The following TNFSF9 variants were observed in gnomAD, a reference collection of about 807,000 sequenced individuals.
TNFSF9 encodes the protein tumor necrosis factor ligand superfamily member 9.
A neutral mutation model predicts 10.3 loss-of-function variants in TNFSF9; 10 were observed. The ratio of observed to expected loss-of-function variants is 0.97; its 90% confidence interval spans 0.60 to 1.65. The LOEUF is 1.65. Among genes scored for constraint, TNFSF9 ranks in the 40% most tolerant of loss-of-function variants. The pLI is 0.00. For missense variants in TNFSF9, 361 were observed against 348.9 expected, an observed-to-expected ratio of 1.03 and a Z score of -0.28; for synonymous variants, 195 against 176.1, an observed-to-expected ratio of 1.11 and a Z score of -0.85.
At chr19:6,532,032 C>A (rs1364862882) in intron 1 of TNFSF9, among the ~76,000 whole-genome samples, 1 of 152,160 alleles carries the variant, frequency 6.6e-6, no homozygotes, top group Non-Finnish European at 1.5e-5. Context: ...CTGGGGGGAA[C>A]CTTTTTTCCA....
rs548530723 is a variant in TNFSF9, at chr19:6,531,250, G to A, written c.214G>A (p.Glu72Lys). The A allele has an allele frequency of 6.5e-7, 1 of 1,535,528 alleles. No homozygotes were observed. The highest frequency in any genetic ancestry group is 8.7e-7 in the Non-Finnish European group (1 of 1,147,482). ...PGSAASPRLR[E>K]GPELSPDDPA... is the part of the protein sequence containing the mutation. ...CTCCGCGGCCAGCCCGAGACTCCGC[G>A]AGGGTCCCGAGCTTTCGCCCGACGA... The change falls in exon 1 of 3, where the codon GAG becomes AAG. Residue 72 changes from glutamate (E) to lysine (K), a missense_variant. Transcript: ENST00000245817.
rs778742323 is a variant in TNFSF9, at chr19:6,534,563, T to C, written c.299-37T>C. On this transcript the variant is annotated intron_variant, in intron 2 of 2. Coordinates refer to ENST00000245817, the MANE Select transcript of TNFSF9 (RefSeq NM_003811.4). Reference sequence around the variant, plus strand: ...AGCCACGCTCAGCTGTGCTGGGACATGCTCAGCTAAGCTAAGTGCATGCTT... The same window carrying C: ...AGCCACGCTCAGCTGTGCTGGGACACGCTCAGCTAAGCTAAGTGCATGCTT... 37 of 1,515,020 alleles carry C rather than the reference T, an allele frequency of 2.4e-5. 1 individual carries two copies. In the South Asian group the frequency reaches 3.7e-4, roughly 15 times the overall value. The allele number at this position is 1,515,020 out of a possible 1,614,324, so 93.8% of individuals were successfully genotyped here.
intron 2 of TNFSF9, 105 bp downstream of exon 2, chr19:6,532,921 T>TG (rs1474758645): frequency 6.7e-7 from 1 of 1,500,952 alleles, no homozygotes; most frequent in African/African-American, 1.4e-5. Flanking sequence ...ACACTGGCTT[T>TG]GACCCTTGAC....
chr19:6,534,290 G>T (rs1014576404), intron 2 of TNFSF9, among the ~76,000 whole-genome samples: 4 of 150,328 alleles, frequency 2.7e-5, no homozygotes, highest in South Asian at 4.2e-4. Context: ...GCCCTGTCCC[G>T]ACTCTTGTCC....
chr19:6,534,525 A>C lies in TNFSF9; in HGVS notation c.299-75A>C. 5 of 1,338,466 alleles carry C rather than the reference A, an allele frequency of 3.7e-6. No individual in the cohort carries two copies. The South Asian group carries it at 4.2e-5, about 11-fold the overall frequency. 82.9% of individuals were successfully genotyped at this position (1,338,466 alleles called of 1,614,324 possible). A position where few individuals can be genotyped will look rare whatever the true frequency, so the allele number is the denominator to read the frequency against. On this transcript the variant is annotated intron_variant, in intron 2 of 2. Transcript: ENST00000245817. ...TCTTTTCTCCCAGGGCTGCGCTGAC[A>C]TGTTCGGTGCTCAGCCACGCTCAGC... is the stretch of plus-strand genomic sequence containing the variant.
At chr19:6,531,595 C>T (rs1915148739) in intron 1 of TNFSF9, among the ~76,000 whole-genome samples, 1 of 151,856 alleles carries the variant, frequency 6.6e-6, no homozygotes, top group African/African-American at 2.4e-5. Context: ...GTCCGGGGGG[C>T]ACCCCTTTCA....
rs1355464303 is a variant in TNFSF9 at position 6,532,789 on chromosome 19, A to G, written c.271A>G (p.Met91Val). 1 of 1,613,698 alleles carries G rather than the reference A, an allele frequency of 6.2e-7. No homozygotes were observed. The highest frequency in any genetic ancestry group is 1.7e-5 in the Admixed American group (1 of 59,966). ...TCCTCCTTTCTACTTTTAACAGGGC[A>G]TGTTTGCGCAGCTGGTGGCCCAAAA... is the stretch of plus-strand genomic sequence containing the variant. The part of the protein sequence containing the change: ...PAGLLDLRQG[M>V]FAQLVAQNVL... The change falls in exon 2 of 3, where the codon ATG becomes GTG. Residue 91 changes from methionine (M) to valine (V), a missense_variant. Coordinates refer to ENST00000245817, the MANE Select transcript of TNFSF9 (RefSeq NM_003811.4).
chr19:6,531,560 A>AC (rs1270694006), intron 1 of TNFSF9, among the ~76,000 whole-genome samples: 9 of 149,042 alleles, frequency 6.0e-5, no homozygotes, highest in Non-Finnish European at 1.2e-4. Context: ...TTCTTTTTGG[A>AC]CCCCCCAAGG....
At chr19:6,532,377 TTGTGTTCGTGTGGGTG>T (rs1417017000) in intron 1 of TNFSF9, among the ~76,000 whole-genome samples, 13 of 123,432 alleles carry the variant, frequency 1.1e-4, no homozygotes, top group South Asian at 5.3e-4. Context: ...GTGGGTGTGT[TTGTGTTCGTGTGGGTG>T]TGTGTTCGTG....
Position 6,534,978 on chromosome 19 carries a change from G to A in TNFSF9, c.677G>A (p.Trp226Ter). 6.2e-7 allele frequency: 1 copy of A among 1,610,860 alleles called. No individual in the cohort carries two copies. Among genetic ancestry groups the A allele is most frequent in the Non-Finnish European group, 8.5e-7 (1 of 1,178,786 alleles). ...LHTEARARHA[W>*]QLTQGATVLG... ...ACTGAGGCCAGGGCACGCCATGCCT[G>A]GCAGCTTACCCAGGGCGCCACAGTC... is the stretch of plus-strand genomic sequence containing the variant. The change falls in exon 3 of 3, where the codon TGG becomes TAG. Residue 226 changes from tryptophan to a stop codon, truncating the protein, a stop_gained. Transcript: ENST00000245817. LOFTEE classifies it low-confidence loss of function (END_TRUNC).
Position 6,535,126 on chromosome 19 carries a change from A to AGAC in TNFSF9, c.*61_*63dup. The stretch of plus-strand genomic sequence containing the variant: ...CCGAATCCTACTCCATCCTTCATGG[A>AGAC]GACCCCTGGTGCTGGGTCCCTGCTG... On this transcript the variant is annotated 3_prime_UTR_variant, in exon 3 of 3. Transcript: ENST00000245817. 6.9e-7 allele frequency: 1 copy of AGAC among 1,440,320 alleles called. No individual in the cohort carries two copies. The highest frequency in any genetic ancestry group is 9.1e-7 in the Non-Finnish European group (1 of 1,093,600). 89.2% of individuals were successfully genotyped at this position (1,440,320 alleles called of 1,614,324 possible).
intron 2 of TNFSF9, among the ~76,000 whole-genome samples, chr19:6,534,083 C>T (rs747511806): frequency 3.6e-4 from 50 of 137,628 alleles, no homozygotes; most frequent in Admixed American, 7.4e-4. Flanking sequence ...CTTCTCCTCC[C>T]CCCATCTCCA....
chr19:6,534,889 C>T lies in TNFSF9; in HGVS notation c.588C>T (p.Ala196=), dbSNP rs1401787840. Residue 196 remains alanine, a synonymous_variant, in exon 3 of 3, where the codon GCC becomes GCT. Coordinates refer to ENST00000245817, the MANE Select transcript of TNFSF9 (RefSeq NM_003811.4). ...PPASSEARNS[A]FGFQGRLLHL... ...CCTCCTCCGAGGCTCGGAACTCGGC[C>T]TTCGGTTTCCAGGGCCGCTTGCTGC... The T allele has an allele frequency of 6.2e-7, 1 of 1,607,942 alleles. No homozygotes were observed. Among genetic ancestry groups the T allele is most frequent in the Admixed American group, 1.7e-5 (1 of 59,906 alleles).
chr19:6,532,839 G>C, intron 2 of TNFSF9, 23 bp downstream of exon 2: 2 of 1,613,596 alleles, frequency 1.2e-6, no homozygotes, highest in Non-Finnish European at 1.7e-6. Flanking sequence ...CGCCACTTCC[G>C]GTCCCTGGCC....
In TNFSF9 at chr19:6,535,096, A is replaced by C; in HGVS notation, c.*30A>C. Reference sequence around the variant, plus strand: ...CAGCCTGGGTGCAGCCCACCTGGACAGAGTCCGAATCCTACTCCATCCTTC... The same window carrying C: ...CAGCCTGGGTGCAGCCCACCTGGACCGAGTCCGAATCCTACTCCATCCTTC... On this transcript the variant is annotated 3_prime_UTR_variant, in exon 3 of 3. Coordinates refer to ENST00000245817, the MANE Select transcript of TNFSF9 (RefSeq NM_003811.4). 6.0e-6 allele frequency: 9 copies of C among 1,498,146 alleles called. No homozygotes were observed. Among genetic ancestry groups the C allele is most frequent in the Non-Finnish European group, 8.0e-6 (9 of 1,123,244 alleles). The allele number at this position is 1,498,146 out of a possible 1,614,324, so 92.8% of individuals were successfully genotyped here.
Position 6,532,824 on chromosome 19 carries a change from TC to T in TNFSF9, c.298+10del, listed in dbSNP as rs755069185. On this transcript the variant is annotated intron_variant, in intron 2 of 2. Coordinates refer to ENST00000245817, the MANE Select transcript of TNFSF9 (RefSeq NM_003811.4). Reference sequence around the variant, plus strand: ...AGCTGGTGGCCCAAAATGGTAAGTATCCTCCGCCACTTCCGGTCCCTGGCCC... The same window carrying T: ...AGCTGGTGGCCCAAAATGGTAAGTATCTCCGCCACTTCCGGTCCCTGGCCC... 4 of 1,613,682 alleles carry T rather than the reference TC, an allele frequency of 2.5e-6. No homozygotes were observed. The South Asian group carries it at 4.4e-5, about 18-fold the overall frequency.
chr19:6,534,016 C>A (rs944161566), intron 2 of TNFSF9, among the ~76,000 whole-genome samples: 3 of 141,342 alleles, frequency 2.1e-5, no homozygotes, highest in Admixed American at 7.3e-5. Context: ...TAACAGTCTT[C>A]CCTCTCCCTC....
chr19:6,531,228 C>T lies in TNFSF9; in HGVS notation c.192C>T (p.Ser64=). The T allele has an allele frequency of 6.5e-7, 1 of 1,534,286 alleles. No individual in the cohort carries two copies. The part of the protein sequence containing the change: ...AVSGARASPG[S]AASPRLREGP... The stretch of plus-strand genomic sequence containing the variant: ...CCGGGGCTCGCGCCTCGCCCGGCTC[C>T]GCGGCCAGCCCGAGACTCCGCGAGG... The change falls in exon 1 of 3, where the codon TCC becomes TCT. Residue 64 remains serine, a synonymous_variant. Transcript: ENST00000245817.
In TNFSF9 at chr19:6,534,670, C is replaced by T. The variant is rs1283150221; in HGVS notation, c.369C>T (p.Gly123=). ...TGGCAGGCGTGTCCCTGACGGGGGG[C>T]CTGAGCTACAAAGAGGACACGAAGG... ...PGLAGVSLTG[G]LSYKEDTKEL... is the part of the protein sequence containing the mutation. The change falls in exon 3 of 3, where the codon GGC becomes GGT. Residue 123 remains glycine (G), a synonymous_variant. Transcript: ENST00000245817. 1 of 1,591,214 alleles carries T rather than the reference C, an allele frequency of 6.3e-7. No homozygotes were observed. The highest frequency in any genetic ancestry group is 1.1e-5 in the South Asian group (1 of 87,590).
Sources: allele counts gnomAD v4.1 joint callset (sites outside exome capture counted in the v4.1 genomes callset), GRCh38; gene constraint gnomAD v4.1.1; transcripts MANE v1.5; gene names NCBI Gene and HGNC (gene_info 2026-07-23, HGNC 2026-07-21).